AGMO: variants seen among roughly 807,000 people sequenced by gnomAD.
AGMO encodes the protein glyceryl-ether monooxygenase.
A neutral mutation model predicts 60.2 loss-of-function variants in AGMO; 75 were observed. That is an observed-to-expected ratio of 1.25 (90% CI 1.03 to 1.51). The LOEUF is 1.51. Among genes scored for constraint, AGMO ranks in the 40% most tolerant of loss-of-function variants. The probability of loss-of-function intolerance (pLI) is 0.00; values close to 1 mark genes in which losing one functional copy is unlikely to be tolerated. For synonymous variants in AGMO, 261 were observed against 177.1 expected (o/e 1.47, Z -3.76); for missense variants, 763 against 525.5 (o/e 1.45, Z -4.42).
chr7:15,248,220 A>ATATATC (rs1782822117), intron 12 of AGMO, among the ~76,000 whole-genome samples: 5 of 110,894 alleles, frequency 4.5e-5, no homozygotes, highest in African/African-American at 1.6e-4. Context: ...ATATATATAT[A>ATATATC]TATATCTTCA....
chr7:15,377,978 C>A (rs1383450683), intron 10 of AGMO, among the ~76,000 whole-genome samples: 2 of 151,966 alleles, frequency 1.3e-5, no homozygotes, highest in Non-Finnish European at 2.9e-5. Context: ...GGGGCTAAAG[C>A]CAAATAAACC....
intron 2 of AGMO, among the ~76,000 whole-genome samples, chr7:15,547,358 A>G (rs534131606): frequency 0.012 from 1,800 of 152,014 alleles, 25 homozygotes; most frequent in African/African-American, 0.041. Context: ...AGCTCCCAGC[A>G]TGAGCGACGC....
At chr7:15,297,314 G>A (rs1784432752) in intron 12 of AGMO, among the ~76,000 whole-genome samples, 1 of 152,104 alleles carries the variant, frequency 6.6e-6, no homozygotes, top group Non-Finnish European at 1.5e-5. Context: ...ACTTCTAAAG[G>A]ACAAGAGTAC....
At chr7:15,163,633 C>T in the AGMO span, among the ~76,000 whole-genome samples, 6 of 152,002 alleles carry the variant, frequency 3.9e-5, no homozygotes, top group South Asian at 8.3e-4. Context: ...TATTGATTTG[C>T]GTATGTTGAA....
Position 15,255,468 on chromosome 7 carries a change from G to C in AGMO, c.1264-54109C>G, listed in dbSNP as rs140964063. On this transcript the variant is annotated intron_variant, in intron 12 of 12. Transcript: ENST00000342526. ...AAACTATTTCAAAAAAACTGAAAAG[G>C]ATTGCATTCTTCCGAATTCCCTCTA... 6.2e-3 allele frequency among the ~76,000 whole-genome samples: 909 copies of C among 146,098 alleles called. 11 individuals are homozygous for C. The highest frequency in any genetic ancestry group is 0.032 in the South Asian group (149 of 4,688).
chr7:15,541,158 G>A (rs1253757967), intron 3 of AGMO, among the ~76,000 whole-genome samples: 1 of 152,014 alleles, frequency 6.6e-6, no homozygotes, highest in African/African-American at 2.4e-5. Flanking sequence ...GTCTCGCTCT[G>A]TCACCCCAGG....
chr7:15,391,185 A>AT (rs1333691099), intron 6 of AGMO, among the ~76,000 whole-genome samples: 11 of 152,064 alleles, frequency 7.2e-5, no homozygotes, highest in Non-Finnish European at 1.5e-4. Flanking sequence ...AATGTAAATA[A>AT]TTTTTTCAGG....
intron 3 of AGMO, among the ~76,000 whole-genome samples, chr7:15,537,706 C>G (rs1425879203): frequency 3.3e-5 from 5 of 152,002 alleles, no homozygotes. Context: ...TTTATGCTTA[C>G]AAACCCTTGA....
chr7:15,532,931 C>T (rs1784405185), intron 3 of AGMO, among the ~76,000 whole-genome samples: 1 of 152,068 alleles, frequency 6.6e-6, no homozygotes, highest in South Asian at 2.1e-4. Context: ...GTGGAGGTTG[C>T]AATGAGCCGA....
At chr7:15,344,203 A>G (rs958727932) in intron 12 of AGMO, among the ~76,000 whole-genome samples, 2 of 152,192 alleles carry the variant, frequency 1.3e-5, no homozygotes, top group Non-Finnish European at 2.9e-5. Flanking sequence ...GCACTCAACA[A>G]TATTTGTTGA....
At chr7:15,395,875 A>G (rs1021399269) in intron 5 of AGMO, among the ~76,000 whole-genome samples, 1 of 152,166 alleles carries the variant, frequency 6.6e-6, no homozygotes, top group Non-Finnish European at 1.5e-5. Flanking sequence ...CCCAATTTAC[A>G]GTTGCTCAAT....
At chr7:15,211,900 AC>A (rs1345160889) in intron 12 of AGMO, among the ~76,000 whole-genome samples, 1 of 152,062 alleles carries the variant, frequency 6.6e-6, no homozygotes, top group Admixed American at 6.6e-5. Context: ...ATAACATTCA[AC>A]AAAGCTGAGT....
At chr7:15,392,132 C>A (rs1784167989) in intron 6 of AGMO, among the ~76,000 whole-genome samples, 1 of 151,802 alleles carries the variant, frequency 6.6e-6, no homozygotes. Flanking sequence ...TGCAGTGGCG[C>A]CATCTCGGCT....
intron 3 of AGMO, among the ~76,000 whole-genome samples, chr7:15,529,129 C>T (rs1238762334): frequency 6.6e-6 from 1 of 151,984 alleles, no homozygotes; most frequent in Admixed American, 6.6e-5. Context: ...TCTTAAAATG[C>T]ACTGACAACA....
intron 12 of AGMO, among the ~76,000 whole-genome samples, chr7:15,301,560 C>T (rs549828897): frequency 6.6e-6 from 1 of 151,758 alleles, no homozygotes; most frequent in Non-Finnish European, 1.5e-5. Context: ...TTTCTAAAAC[C>T]AATACAATAA....
intron 2 of AGMO, among the ~76,000 whole-genome samples, chr7:15,558,205 C>T (rs1785202795): frequency 6.6e-6 from 1 of 151,792 alleles, no homozygotes; most frequent in Non-Finnish European, 1.5e-5. Context: ...AATCTAATTT[C>T]ATTTGGAACA....
At chr7:15,347,615 A>C (rs951927890) in intron 12 of AGMO, among the ~76,000 whole-genome samples, 2 of 47,666 alleles carry the variant, frequency 4.2e-5, no homozygotes, top group South Asian at 5.8e-4. Flanking sequence ...CTGATTTCCC[A>C]AAAAAAATGT....
intron 3 of AGMO, among the ~76,000 whole-genome samples, chr7:15,456,749 T>C (rs939152627): frequency 6.6e-5 from 10 of 152,158 alleles, no homozygotes; most frequent in African/African-American, 2.4e-4. Flanking sequence ...TTTTCTGGAG[T>C]TCTGTGGTGC....
At chr7:15,467,098 A>AT (rs374681054) in intron 3 of AGMO, among the ~76,000 whole-genome samples, 218 of 152,304 alleles carry the variant, frequency 1.4e-3, no homozygotes, top group African/African-American at 5.0e-3. Context: ...TTAAAAATAT[A>AT]TAACAAAGAG....
Sources: gnomAD v4.1 joint callset for allele counts (sites outside exome capture counted in the v4.1 genomes callset) on GRCh38, gnomAD v4.1.1 for gene constraint, MANE v1.5 for transcripts, NCBI Gene and HGNC (gene_info 2026-07-23, HGNC 2026-07-21) for gene names.